FERRY3: variants seen among roughly 807,000 people sequenced by gnomAD.
FERRY3 encodes protein C12orf4.
chr12:4,488,130 C>T, the FERRY3 span: 1 of 152,194 alleles, frequency 6.6e-6, no homozygotes. The surrounding 1 kb of genome is among the most constrained non-coding windows in gnomAD (Gnocchi z 4.9). Flanking sequence ...GGAAAACGGA[C>T]ATTCGATAAA....
chr12:4,502,110 C>T, the FERRY3 span, among the ~76,000 whole-genome samples: 4 of 152,224 alleles, frequency 2.6e-5, no homozygotes, highest in Non-Finnish European at 5.9e-5. This position sits in a 1 kb window ranked among gnomAD's most constrained non-coding sequence, Gnocchi z 4.2. Flanking sequence ...AAGTCACCTC[C>T]TCAGAAAGGT....
chr12:4,526,344 C>T, the FERRY3 span, among the ~76,000 whole-genome samples: 1 of 152,138 alleles, frequency 6.6e-6, no homozygotes, highest in Non-Finnish European at 1.5e-5. Context: ...TGTACACCCA[C>T]AGTTTGTTGC....
At chr12:4,510,838 T>G in the FERRY3 span, among the ~76,000 whole-genome samples, 1 of 150,926 alleles carries the variant, frequency 6.6e-6, no homozygotes, top group Non-Finnish European at 1.5e-5. Flanking sequence ...CTGCATCAAC[T>G]AACGAGCAAA....
the FERRY3 span, among the ~76,000 whole-genome samples, chr12:4,490,959 G>A: frequency 6.6e-6 from 1 of 152,036 alleles, no homozygotes; most frequent in Non-Finnish European, 1.5e-5. Flanking sequence ...TGTAAATAAT[G>A]TCCAAATAGC....
chr12:4,520,552 G>A, the FERRY3 span, among the ~76,000 whole-genome samples: 7 of 152,200 alleles, frequency 4.6e-5, no homozygotes, highest in East Asian at 7.7e-4. Context: ...CCCAAGTGCC[G>A]TTCTAAGCAC....
the FERRY3 span, chr12:4,489,376 C>G: frequency 6.5e-6 from 1 of 153,258 alleles, no homozygotes. Flanking sequence ...TATTTCAGTG[C>G]TTTTACATTT....
chr12:4,527,879 TCAAAA>T, the FERRY3 span, among the ~76,000 whole-genome samples: 3 of 151,526 alleles, frequency 2.0e-5, no homozygotes, highest in Non-Finnish European at 4.4e-5. Flanking sequence ...ATAAAATAAG[TCAAAA>T]CAAACCTCTA....
the FERRY3 span, among the ~76,000 whole-genome samples, chr12:4,493,179 C>T: frequency 6.6e-6 from 1 of 152,268 alleles, no homozygotes; most frequent in South Asian, 2.1e-4. Context: ...CTTTACTGTT[C>T]TTTTATCTCA....
At chr12:4,521,932 A>C in the FERRY3 span, among the ~76,000 whole-genome samples, 1 of 152,258 alleles carries the variant, frequency 6.6e-6, no homozygotes, top group South Asian at 2.1e-4. Flanking sequence ...AAATTGGCAG[A>C]GCACAGAGGA....
chr12:4,514,231 A>G, the FERRY3 span, among the ~76,000 whole-genome samples: 3 of 150,230 alleles, frequency 2.0e-5, no homozygotes, highest in African/African-American at 7.5e-5. Flanking sequence ...CAATCATTAA[A>G]AAGTCAGGAA....
chr12:4,530,200 AT>A, the FERRY3 span: 1 of 659,248 alleles, frequency 1.5e-6, no homozygotes, highest in Non-Finnish European at 2.4e-6. Flanking sequence ...ATGTGTGTGT[AT>A]TATACAGGAT....
the FERRY3 span, among the ~76,000 whole-genome samples, chr12:4,515,713 T>C: frequency 2.6e-5 from 4 of 152,190 alleles, no homozygotes; most frequent in East Asian, 7.7e-4. Flanking sequence ...AGATGGTTAG[T>C]TCTGGAAATC....
chr12:4,504,516 G>A, the FERRY3 span, among the ~76,000 whole-genome samples: 3 of 152,182 alleles, frequency 2.0e-5, no homozygotes, highest in East Asian at 1.9e-4. Flanking sequence ...GCAGAAAAAC[G>A]TAAGAGGAAA....
At chr12:4,516,049 T>C in the FERRY3 span, among the ~76,000 whole-genome samples, 1 of 151,700 alleles carries the variant, frequency 6.6e-6, no homozygotes, top group Non-Finnish European at 1.5e-5. Flanking sequence ...GATACAGTGA[T>C]TTTTTTTTAA....
At chr12:4,528,994 A>G in the FERRY3 span, among the ~76,000 whole-genome samples, 1 of 151,820 alleles carries the variant, frequency 6.6e-6, no homozygotes, top group Non-Finnish European at 1.5e-5. Flanking sequence ...CACTAAAACT[A>G]TTATCTTAAT....
the FERRY3 span, chr12:4,500,388 A>T: frequency 4.0e-6 from 6 of 1,518,984 alleles, no homozygotes; most frequent in Non-Finnish European, 4.6e-6. Context: ...TAAGTAAGTC[A>T]CATTCATCAA....
chr12:4,502,551 T>G, the FERRY3 span: 1 of 356,904 alleles, frequency 2.8e-6, no homozygotes, highest in Non-Finnish European at 5.4e-6. The surrounding 1 kb of genome is among the most constrained non-coding windows in gnomAD (Gnocchi z 4.2). Flanking sequence ...TACACCTCAC[T>G]GGAAATTCTG....
chr12:4,530,157 G>C, the FERRY3 span: 1 of 950,312 alleles, frequency 1.1e-6, no homozygotes, highest in Non-Finnish European at 1.6e-6. Context: ...ATGACAGAAA[G>C]ACCCTCTTAT....
At chr12:4,489,944 G>A in the FERRY3 span, 2 of 1,257,466 alleles carry the variant, frequency 1.6e-6, no homozygotes, top group East Asian at 4.7e-5. Flanking sequence ...AATCATCATT[G>A]ATTTTAAAAA....
Sources: allele counts gnomAD v4.1 joint callset (sites outside exome capture counted in the v4.1 genomes callset), GRCh38; gene constraint gnomAD v4.1.1; non-coding constraint Gnocchi (gnomAD v3.1); transcripts MANE v1.5; gene names NCBI Gene and HGNC (gene_info 2026-07-23, HGNC 2026-07-21).